The following FER variants were observed in gnomAD, a reference collection of about 807,000 sequenced individuals.
FER encodes the protein FER tyrosine kinase.
Under a neutral mutation model 111.0 loss-of-function variants are expected in FER, and 63 were observed. The observed-to-expected ratio is 0.57, with a 90% CI of 0.46 to 0.70. The LOEUF (loss-of-function observed/expected upper bound fraction) is 0.70. Ranked by LOEUF, FER falls within the 30% of genes least tolerant of loss-of-function variation. FER has a pLI of 0.00. For synonymous variants in FER, 327 were observed against 313.9 expected, an observed-to-expected ratio of 1.04 and a Z score of -0.44; for missense variants, 914 against 954.0, an observed-to-expected ratio of 0.96 and a Z score of 0.55.
chr5:108,992,797 G>C (rs1364404825), intron 13 of FER, among the ~76,000 whole-genome samples: 1 of 151,016 alleles, frequency 6.6e-6, no homozygotes, highest in Non-Finnish European at 1.5e-5. Context: ...CGGTTGCCAG[G>C]CAGAGGGTCT....
chr5:108,894,648 G>A, intron 9 of FER: 1 of 270,198 alleles, frequency 3.7e-6, no homozygotes, highest in Non-Finnish European at 7.4e-6. Flanking sequence ...GGTCCTGCGG[G>A]CTGGACCAGA....
intron 2 of FER, among the ~76,000 whole-genome samples, chr5:108,794,556 C>G (rs893566815): frequency 7.8e-6 from 1 of 127,760 alleles, no homozygotes; most frequent in Non-Finnish European, 1.6e-5. Context: ...CTTAACATTT[C>G]TTATAGGACT....
chr5:109,069,268 T>A (rs541882419), intron 16 of FER, among the ~76,000 whole-genome samples: 1 of 152,334 alleles, frequency 6.6e-6, no homozygotes, highest in South Asian at 2.1e-4. Flanking sequence ...ATATAAAAAA[T>A]GCTTATTTGT....
chr5:109,089,954 C>G (rs1777978912), intron 16 of FER, among the ~76,000 whole-genome samples: 1 of 152,182 alleles, frequency 6.6e-6, no homozygotes. Context: ...CTGAGAAAGT[C>G]TGGCTTGGCT....
At chr5:109,096,336 T>C (rs1384141849) in intron 16 of FER, among the ~76,000 whole-genome samples, 1 of 152,020 alleles carries the variant, frequency 6.6e-6, no homozygotes, top group African/African-American at 2.4e-5. Flanking sequence ...TATTATCTTA[T>C]CCGTTAGATA....
chr5:108,761,919 TTA>T (rs1323612579), intron 1 of FER, among the ~76,000 whole-genome samples: 1 of 152,008 alleles, frequency 6.6e-6, no homozygotes, highest in Non-Finnish European at 1.5e-5. Flanking sequence ...ATTATTATTA[TTA>T]TTTTTTTAAG....
chr5:108,975,460 ATTAG>A (rs1761213997), intron 13 of FER, among the ~76,000 whole-genome samples: 1 of 152,202 alleles, frequency 6.6e-6, no homozygotes, highest in Non-Finnish European at 1.5e-5. Context: ...ATATATGACA[ATTAG>A]TTACAGTAGC....
intron 13 of FER, among the ~76,000 whole-genome samples, chr5:108,970,574 A>G (rs1018560301): frequency 6.6e-6 from 1 of 152,152 alleles, no homozygotes; most frequent in African/African-American, 2.4e-5. Context: ...TTGAACCTCA[A>G]TTTGAAAAGT....
intron 5 of FER, among the ~76,000 whole-genome samples, chr5:108,845,950 G>C (rs982771666): frequency 1.4e-4 from 22 of 152,004 alleles, no homozygotes; most frequent in African/African-American, 5.3e-4. Flanking sequence ...ATAAAATCTC[G>C]CTAGTCATGA....
At chr5:108,778,452 A>C (rs545421489) in intron 2 of FER, among the ~76,000 whole-genome samples, 1 of 152,352 alleles carries the variant, frequency 6.6e-6, no homozygotes, top group African/African-American at 2.4e-5. Context: ...TACCAGCAAT[A>C]AATGAAAGTT....
intron 3 of FER, 142 bp downstream of exon 3, chr5:108,798,531 A>G: frequency 1.3e-6 from 1 of 748,212 alleles, no homozygotes; most frequent in Non-Finnish European, 2.2e-6. Flanking sequence ...TGAAAATCTC[A>G]TGGAGAAGTT....
chr5:109,070,733 G>A (rs1344385433), intron 16 of FER, among the ~76,000 whole-genome samples: 1 of 151,852 alleles, frequency 6.6e-6, no homozygotes, highest in African/African-American at 2.4e-5. Flanking sequence ...CACAGTATAG[G>A]TAAGGCTTTT....
intron 2 of FER, among the ~76,000 whole-genome samples, chr5:108,789,156 A>G (rs1285776734): frequency 6.6e-6 from 1 of 152,252 alleles, no homozygotes; most frequent in Non-Finnish European, 1.5e-5. Flanking sequence ...ATACTTGTGC[A>G]GCTAGTACCA....
intron 17 of FER, among the ~76,000 whole-genome samples, chr5:109,111,954 C>G (rs1451570866): frequency 6.6e-6 from 1 of 152,088 alleles, no homozygotes; most frequent in Non-Finnish European, 1.5e-5. Context: ...TCTGGTGTGC[C>G]TATTTTTACT....
intron 9 of FER, chr5:108,894,298 T>C: frequency 1.3e-6 from 1 of 781,854 alleles, no homozygotes; most frequent in Non-Finnish European, 1.7e-6. Flanking sequence ...AGGTTGGGAC[T>C]TGGGGGTCAC....
chr5:108,883,318 G>A, intron 8 of FER, 78 bp from the exon 9 acceptor site: 1 of 1,348,968 alleles, frequency 7.4e-7, no homozygotes, highest in Admixed American at 2.4e-5. Context: ...TGCAACATAA[G>A]ATGTATGAAT....
chr5:109,180,915 AC>A lies in FER; in HGVS notation c.2203+15del. ...CTCTTAATTATGGTAAGAATAGACCACATTTTTTTTTTAATGGTAAAAATGA... is the reference window on the plus strand; with the variant it reads ...CTCTTAATTATGGTAAGAATAGACCAATTTTTTTTTTAATGGTAAAAATGA... On this transcript the variant is annotated intron_variant, in intron 18 of 19. Transcript: ENST00000281092. 6.4e-7 allele frequency: 1 copy of A among 1,561,416 alleles called. No individual in the cohort carries two copies. The highest frequency in any genetic ancestry group is 8.6e-7 in the Non-Finnish European group (1 of 1,159,626).
In FER at chr5:109,190,784, C is replaced by T. The variant is rs1043573174; in HGVS notation, c.*3209C>T. 6 of 152,110 alleles carry T rather than the reference C, an allele frequency of 3.9e-5. No individual in the cohort carries two copies. The highest frequency in any genetic ancestry group is 1.4e-4 in the African/African-American group (6 of 41,434). 9.4% of individuals were successfully genotyped at this position (152,110 alleles called of 1,614,324 possible). ...AATGTGGGCAATAAAATTCTCCTTT[C>T]GTAATTCACTGTTTTATTACAAATA... On this transcript the variant is annotated 3_prime_UTR_variant, in exon 20 of 20. Coordinates refer to ENST00000281092, the MANE Select transcript of FER (RefSeq NM_005246.4).
chr5:109,114,123 T>TC (rs1749956316), intron 17 of FER, among the ~76,000 whole-genome samples: 3 of 152,094 alleles, frequency 2.0e-5, no homozygotes, highest in Non-Finnish European at 4.4e-5. Flanking sequence ...GATGGGTACT[T>TC]ACTTCCCCAC....
Sources: allele counts gnomAD v4.1 joint callset (sites outside exome capture counted in the v4.1 genomes callset), GRCh38; gene constraint gnomAD v4.1.1; transcripts MANE v1.5; gene names NCBI Gene and HGNC (gene_info 2026-07-23, HGNC 2026-07-21).